Variants in TRPM3 observed in about 807,000 individuals in gnomAD.
TRPM3 encodes transient receptor potential cation channel subfamily M member 3, also known as long transient receptor potential channel 3.
TRPM3 carries 77 observed loss-of-function variants against 181.2 expected under a neutral mutation model. The ratio of observed to expected loss-of-function variants is 0.42; its 90% CI spans 0.35 to 0.51. The LOEUF (loss-of-function observed/expected upper bound fraction) is 0.51. Among genes scored for constraint, TRPM3 ranks in the 20% least tolerant of loss-of-function variants. The pLI, the probability that TRPM3 is intolerant of heterozygous loss-of-function variation, is 0.01. For synonymous variants in TRPM3, 745 were observed against 796.4 expected (o/e 0.94, Z 1.09); for missense variants, 1,759 against 2,196.7 (o/e 0.80, Z 3.98).
At chr9:70,807,252 G>A (rs1319819102) in intron 6 of TRPM3, among the ~76,000 whole-genome samples, 2 of 152,142 alleles carry the variant, frequency 1.3e-5, no homozygotes, top group Non-Finnish European at 2.9e-5. Flanking sequence ...GAAATACTGA[G>A]GCCACGGTGC....
At chr9:70,700,733 A>G (rs2072255441) in intron 8 of TRPM3, among the ~76,000 whole-genome samples, 1 of 152,246 alleles carries the variant, frequency 6.6e-6, no homozygotes, top group African/African-American at 2.4e-5. Flanking sequence ...TTGGAGAGTG[A>G]AACTGGAGAG....
upstream of TRPM3, chr9:71,446,924 C>T (rs1437957214): frequency 1.5e-6 from 2 of 1,321,502 alleles, no homozygotes; most frequent in Non-Finnish European, 2.0e-6. Context: ...AGCCTGCGCG[C>T]GGCTCTCGGT....
At chr9:70,587,760 G>A (rs2132471118) in intron 22 of TRPM3, among the ~76,000 whole-genome samples, 1 of 152,290 alleles carries the variant, frequency 6.6e-6, no homozygotes, top group South Asian at 2.1e-4. Flanking sequence ...TTGTTTCATG[G>A]TAGCCCTTAG....
chr9:71,164,626 A>AT, intron 1 of TRPM3, among the ~76,000 whole-genome samples: 1 of 152,144 alleles, frequency 6.6e-6, no homozygotes, highest in East Asian at 1.9e-4. Flanking sequence ...ATTGTCAGTG[A>AT]TTTTAAGGAG....
intron 1 of TRPM3, among the ~76,000 whole-genome samples, chr9:70,933,773 C>A (rs1411927822): frequency 1.3e-5 from 2 of 150,466 alleles, no homozygotes; most frequent in Non-Finnish European, 2.9e-5. Flanking sequence ...AAGGGAAGAA[C>A]CCTGGTTGGG....
At chr9:71,370,719 C>A (rs1380079422) in intron 1 of TRPM3, among the ~76,000 whole-genome samples, 1 of 152,106 alleles carries the variant, frequency 6.6e-6, no homozygotes, top group Non-Finnish European at 1.5e-5. Flanking sequence ...GATCTAGATA[C>A]AATAATTGAG....
rs191874468 is a variant in TRPM3 at position 71,223,051 on chromosome 9, G to C, written c.183+223602C>G. On this transcript the variant is annotated intron_variant, in intron 1 of 24. Coordinates refer to the TRPM3 transcript ENST00000357533. ...TGGACTTGGGGGCTAGGGGCTGGGG[G>C]TGGTGGGCATGTGACCTACTGAGAC... is the stretch of plus-strand genomic sequence containing the variant. Among the ~76,000 whole-genome samples the C allele has an allele frequency of 1.6e-4, 24 of 152,094 alleles. No homozygotes were observed. The East Asian group carries it at 4.6e-3, about 29-fold the overall frequency.
chr9:70,611,367 G>A (rs1272504779), intron 18 of TRPM3, among the ~76,000 whole-genome samples: 2 of 152,142 alleles, frequency 1.3e-5, no homozygotes, highest in African/African-American at 4.8e-5. Flanking sequence ...TTGGATCATG[G>A]GGGCAGTTTC....
intron 1 of TRPM3, among the ~76,000 whole-genome samples, chr9:71,082,756 G>A (rs2064579168): frequency 6.6e-6 from 1 of 152,096 alleles, no homozygotes; most frequent in African/African-American, 2.4e-5. Context: ...CAAATCAAAT[G>A]GTTAATGATG....
intron 11 of TRPM3, 70 bp downstream of exon 11, chr9:70,638,990 T>C: frequency 6.5e-7 from 1 of 1,534,942 alleles, no homozygotes. Context: ...ATCACAGGCA[T>C]ATGGGGGGCA....
At position 71,081,361 on chromosome 9, in the gene TRPM3, C is replaced by A. The variant is rs537761450; in HGVS notation, c.177+39817G>T. 6.3e-4 allele frequency among the ~76,000 whole-genome samples: 96 copies of A among 152,274 alleles called. 1 individual carries two copies. Among genetic ancestry groups the A allele is most frequent in the African/African-American group, 2.3e-3 (94 of 41,554 alleles). ...CTCTCACAAATTGTGTGAACTTGTGCAAGCTGACCTCAGTTTCTTAGTGTG... is the reference window on the plus strand; with the variant it reads ...CTCTCACAAATTGTGTGAACTTGTGAAAGCTGACCTCAGTTTCTTAGTGTG... On this transcript the variant is annotated intron_variant, in intron 1 of 25. Transcript: ENST00000677713.
chr9:71,300,593 T>G (rs1265897961), intron 1 of TRPM3, among the ~76,000 whole-genome samples: 1 of 152,140 alleles, frequency 6.6e-6, no homozygotes, highest in East Asian at 1.9e-4. Flanking sequence ...TGTATGTTTG[T>G]TTTTAAAGAT....
rs186101571 is a variant in TRPM3, at chr9:71,444,110, C to G, written c.183+2543G>C. Among the ~76,000 whole-genome samples the G allele has an allele frequency of 3.8e-3, 537 of 139,850 alleles. 5 individuals are homozygous for G. The highest frequency in any genetic ancestry group is 0.013 in the African/African-American group (502 of 37,648). The allele number at this position is 139,850 out of a possible 152,430, so 91.7% of individuals were successfully genotyped here. On this transcript the variant is annotated intron_variant, in intron 1 of 24. Transcript: ENST00000357533. ...AGGAGAATCACTTGAACCAGGGAGG[C>G]GGAAGTTGCAGTGAGCCAAGATTGT...
intron 1 of TRPM3, among the ~76,000 whole-genome samples, chr9:70,923,560 G>A (rs954108818): frequency 2.0e-5 from 3 of 151,998 alleles, no homozygotes; most frequent in Admixed American, 6.6e-5. Context: ...ATAAAGTAAT[G>A]CCATTAATAC....
At chr9:70,597,107 AT>A (rs2059156779) in intron 21 of TRPM3, among the ~76,000 whole-genome samples, 1 of 151,436 alleles carries the variant, frequency 6.6e-6, no homozygotes, top group South Asian at 2.1e-4. Flanking sequence ...CTAATTTTGT[AT>A]TTTTAGTAGA....
intron 1 of TRPM3, among the ~76,000 whole-genome samples, chr9:70,922,619 C>T (rs1350998019): frequency 6.6e-6 from 1 of 152,162 alleles, no homozygotes; most frequent in Non-Finnish European, 1.5e-5. Context: ...TTACCATTTT[C>T]CTACTAAATC....
At chr9:70,578,997 G>C (rs547927271) in intron 22 of TRPM3, among the ~76,000 whole-genome samples, 1 of 152,118 alleles carries the variant, frequency 6.6e-6, no homozygotes, top group Non-Finnish European at 1.5e-5. Context: ...TGGTTAGGGG[G>C]TGCAACTGCC....
Position 70,696,643 on chromosome 9 carries a change from G to A in TRPM3, c.1273-15065C>T, listed in dbSNP as rs551691186. 3.2e-4 allele frequency among the ~76,000 whole-genome samples: 49 copies of A among 152,290 alleles called. No individual in the cohort carries two copies. The Middle Eastern group carries it at 0.017, about 53-fold the overall frequency. ...GCGCAAACCCGTGTTTGAAGGACAC[G>A]CAGGGCCAATGCCAGGACATTCTGG... On this transcript the variant is annotated intron_variant, in intron 8 of 25. Coordinates refer to ENST00000677713, the MANE Select transcript of TRPM3 (RefSeq NM_001366145.2).
chr9:71,207,298 A>C (rs930339697), intron 1 of TRPM3, among the ~76,000 whole-genome samples: 1 of 152,164 alleles, frequency 6.6e-6, no homozygotes, highest in Non-Finnish European at 1.5e-5. Flanking sequence ...ATGAGAAAAT[A>C]TGTTTAATTT....
Sources: allele counts gnomAD v4.1 joint callset (sites outside exome capture counted in the v4.1 genomes callset), GRCh38; gene constraint gnomAD v4.1.1; transcripts MANE v1.5; gene names NCBI Gene and HGNC (gene_info 2026-07-23, HGNC 2026-07-21).